Variants in NINJ1 observed in about 807,000 individuals in gnomAD.
NINJ1 encodes the protein ninjurin 1.
NINJ1 carries 6 observed loss-of-function variants against 12.7 expected under a neutral mutation model. The ratio of observed to expected loss-of-function variants is 0.47; its 90% CI spans 0.26 to 0.93. The LOEUF is 0.93. Among genes scored for constraint, NINJ1 ranks in the 40% least tolerant of loss-of-function variants. NINJ1 has a pLI of 0.15. For missense variants in NINJ1, 170 were observed against 213.0 expected (o/e 0.80, Z 1.26); for synonymous variants, 100 against 96.0 (o/e 1.04, Z -0.25).
At chr9:93,133,312 GA>G (rs1827924742) in intron 1 of NINJ1, among the ~76,000 whole-genome samples, 1 of 152,222 alleles carries the variant, frequency 6.6e-6, no homozygotes, top group Non-Finnish European at 1.5e-5. Context: ...GAGAGGCCTG[GA>G]AAAACCCAAC....
Position 93,124,933 on chromosome 9 carries a change from A to G in NINJ1, c.434T>C (p.Leu145Ser). Residue 145 changes from leucine (L) to serine (S), a missense_variant, in exon 3 of 4, where the codon TTG becomes TCG. By Grantham distance (145) the Leu-to-Ser change is moderately radical (BLOSUM62 -2). Coordinates refer to ENST00000375446, the MANE Select transcript of NINJ1 (RefSeq NM_004148.4). ...FITAFGVQKPLMDMAPQQ is the reference protein window; with the variant it reads ...FITAFGVQKPSMDMAPQQ ...CTACTGCTGGGGTGCCATGTCCATC[A>G]AGGGCTTCTGGACCCCGAAGGCCGT... is the stretch of plus-strand genomic sequence containing the variant. 6.2e-7 allele frequency: 1 copy of G among 1,613,346 alleles called. No homozygotes were observed. Among genetic ancestry groups the G allele is most frequent in the African/African-American group, 1.3e-5 (1 of 75,052 alleles).
At position 93,126,802 on chromosome 9, in the gene NINJ1, C is replaced by T. The variant is rs897670565; in HGVS notation, c.76-164G>A. ...TGCTTATTACCCTAAGGAGAGGCTG[C>T]GAGCATGTGCTCAGCCTTTATAAAA... On this transcript the variant is annotated intron_variant, in intron 1 of 3. Transcript: ENST00000375446. Among the ~76,000 whole-genome samples the T allele has an allele frequency of 5.3e-5, 8 of 152,240 alleles. No homozygotes were observed. In the South Asian group the frequency reaches 6.2e-4, roughly 12 times the overall value.
intron 1 of NINJ1, among the ~76,000 whole-genome samples, chr9:93,129,087 G>A (rs937095542): frequency 2.0e-5 from 3 of 152,252 alleles, no homozygotes; most frequent in African/African-American, 7.2e-5. Flanking sequence ...AGCTCCCCAA[G>A]CCTCAGCTCT....
intron 2 of NINJ1, 138 bp downstream of exon 2, chr9:93,126,272 G>C (rs1827807743): frequency 1.5e-6 from 1 of 667,978 alleles, no homozygotes; most frequent in South Asian, 1.9e-5. Flanking sequence ...TGGACTGCAT[G>C]TCTGGGTGAT....
chr9:93,130,222 C>G (rs1413443283), intron 1 of NINJ1, among the ~76,000 whole-genome samples: 1 of 152,156 alleles, frequency 6.6e-6, no homozygotes, highest in Admixed American at 6.5e-5. Context: ...AGGGGCGTGG[C>G]TGGCTCCTCA....
At position 93,126,642 on chromosome 9, in the gene NINJ1, C is replaced by G; in HGVS notation, c.76-4G>C. On this transcript the variant is annotated splice_region_variant and splice_polypyrimidine_tract_variant and intron_variant, in intron 1 of 3. Transcript: ENST00000375446. The stretch of plus-strand genomic sequence containing the variant: ...GCCTCCAGCCCCAGCGGGCCGGCTG[C>G]AGGGAGGGGAATGGTCAGCAAGGCG... The G allele has an allele frequency of 6.3e-7, 1 of 1,582,618 alleles. No homozygotes were observed. Among genetic ancestry groups the G allele is most frequent in the South Asian group, 1.1e-5 (1 of 88,666 alleles).
At chr9:93,131,242 G>A (rs923967442) in intron 1 of NINJ1, among the ~76,000 whole-genome samples, 1 of 152,270 alleles carries the variant, frequency 6.6e-6, no homozygotes, top group Non-Finnish European at 1.5e-5. Flanking sequence ...CAAGACAGCA[G>A]GAAGTGCTGG....
At chr9:93,126,808 T>C (rs1035613219) in intron 1 of NINJ1, among the ~76,000 whole-genome samples, 170 bp from the exon 2 acceptor site, 4 of 152,146 alleles carry the variant, frequency 2.6e-5, no homozygotes, top group African/African-American at 7.2e-5. Flanking sequence ...GCTGCGAGCA[T>C]GTGCTCAGCC....
chr9:93,133,129 C>T (rs7043145), intron 1 of NINJ1, among the ~76,000 whole-genome samples: 65,911 of 152,076 alleles, frequency 0.43, 15,977 homozygotes, highest in East Asian at 0.64. Flanking sequence ...TCCTGCAGTG[C>T]GACAGCTCCT....
At position 93,134,246 on chromosome 9, in the gene NINJ1, G is replaced by A. The variant is rs377666283; in HGVS notation, c.-29C>T. 319 of 1,399,796 alleles carry A rather than the reference G, an allele frequency of 2.3e-4. 1 individual carries two copies. In the East Asian group the frequency reaches 2.5e-3, roughly 11 times the overall value. The allele number at this position is 1,399,796 out of a possible 1,614,324, so 86.7% of individuals were successfully genotyped here. On this transcript the variant is annotated 5_prime_UTR_variant, in exon 1 of 4. Coordinates refer to ENST00000375446, the MANE Select transcript of NINJ1 (RefSeq NM_004148.4). ...GCGGCCGCCCAGGCCGCCAGGATCC[G>A]GGCCTGAGCGCGCCCGAGCCTCAGC...
chr9:93,126,679 G>A, intron 1 of NINJ1, 41 bp from the exon 2 acceptor site: 2 of 1,512,552 alleles, frequency 1.3e-6, no homozygotes, highest in South Asian at 1.2e-5. Context: ...GTGGGGGAGG[G>A]GGGCAAGGGC....
chr9:93,127,294 A>T (rs1473418877), intron 1 of NINJ1, among the ~76,000 whole-genome samples: 3 of 152,200 alleles, frequency 2.0e-5, no homozygotes, highest in African/African-American at 4.8e-5. Context: ...AGCATACGAC[A>T]TACAGTGGAG....
intron 1 of NINJ1, among the ~76,000 whole-genome samples, chr9:93,130,943 A>G (rs993703301): frequency 6.6e-6 from 1 of 152,224 alleles, no homozygotes; most frequent in Non-Finnish European, 1.5e-5. Flanking sequence ...TGTCCTGCTC[A>G]CTGGCCCTAA....
At chr9:93,124,799 G>A (rs2130746724) in intron 3 of NINJ1, 100 bp downstream of exon 3, 1 of 1,285,824 alleles carries the variant, frequency 7.8e-7, no homozygotes, top group African/African-American at 1.5e-5. Context: ...GCCTAGGAAG[G>A]TGTCCAAGGC....
chr9:93,121,695 A>G lies in NINJ1; in HGVS notation c.*545T>C, dbSNP rs1827740300. On this transcript the variant is annotated 3_prime_UTR_variant, in exon 4 of 4. Transcript: ENST00000375446. ...GCACTTAAGACCAGAGCCAGTGGCC[A>G]TCCGTAGGGCCAAAGGCAGTTCTGG... The G allele has an allele frequency of 6.6e-6, 1 of 152,364 alleles. No individual in the cohort carries two copies. The highest frequency in any genetic ancestry group is 2.4e-5 in the African/African-American group (1 of 41,482). 9.4% of individuals were successfully genotyped at this position (152,364 alleles called of 1,614,324 possible). A position where few individuals can be genotyped will look rare whatever the true frequency, so the allele number is the denominator to read the frequency against.
chr9:93,131,937 T>A (rs1348592498), intron 1 of NINJ1, among the ~76,000 whole-genome samples: 2 of 152,174 alleles, frequency 1.3e-5, no homozygotes, highest in Non-Finnish European at 2.9e-5. Context: ...AAAAGGAAAC[T>A]GAGGGAGCTG....
chr9:93,126,381 GGC>G (rs1827809066), intron 2 of NINJ1, 27 bp downstream of exon 2: 1 of 1,586,388 alleles, frequency 6.3e-7, no homozygotes, highest in Middle Eastern at 1.7e-4. Context: ...GTGAGCAGGT[GGC>G]CTGGCTGCCC....
At chr9:93,128,788 C>T (rs569587562) in intron 1 of NINJ1, among the ~76,000 whole-genome samples, 46 of 152,276 alleles carry the variant, frequency 3.0e-4, no homozygotes, top group African/African-American at 1.1e-3. Context: ...CATATATGTG[C>T]GTGTTCCTAG....
intron 1 of NINJ1, 124 bp from the exon 2 acceptor site, chr9:93,126,762 G>A (rs1482900730): frequency 2.9e-6 from 2 of 693,396 alleles, no homozygotes; most frequent in African/African-American, 1.8e-5. Flanking sequence ...CCCCTGGTAA[G>A]TGCTCAGACA....
Sources: gnomAD v4.1 joint callset for allele counts (sites outside exome capture counted in the v4.1 genomes callset) on GRCh38, gnomAD v4.1.1 for gene constraint, MANE v1.5 for transcripts, NCBI Gene and HGNC (gene_info 2026-07-23, HGNC 2026-07-21) for gene names.